Variants in CNTN5 observed in about 807,000 individuals in gnomAD.
CNTN5 encodes contactin 5.
Under a neutral mutation model 129.1 loss-of-function variants are expected in CNTN5, and 77 were observed. The observed-to-expected ratio is 0.60, with a 90% CI of 0.50 to 0.72. The LOEUF (loss-of-function observed/expected upper bound fraction) is 0.72, where lower values mean the gene tolerates loss of function less well. Among genes scored for constraint, CNTN5 ranks in the 30% least tolerant of loss-of-function variants. CNTN5 has a pLI of 0.00. For missense variants in CNTN5, 1,478 were observed against 1,328.8 expected (o/e 1.11, Z -1.75); for synonymous variants, 509 against 465.6 (o/e 1.09, Z -1.20).
At chr11:99,757,439 A>T (rs1944440697) in intron 3 of CNTN5, among the ~76,000 whole-genome samples, 1 of 151,120 alleles carries the variant, frequency 6.6e-6, no homozygotes, top group South Asian at 2.1e-4. Context: ...TAAGTGCCCC[A>T]CTCTAATTAT....
rs11281160 is a variant in CNTN5 at position 99,508,686 on chromosome 11, C to CTTTCTTTTTTTTTTTT, written c.-70-47456_-70-47455insCTTTTTTTTTTTTTTT. Among the ~76,000 whole-genome samples, 1,157 of 146,758 alleles carry CTTTCTTTTTTTTTTTT rather than the reference C, an allele frequency of 7.9e-3. 15 individuals are homozygous for CTTTCTTTTTTTTTTTT. Among genetic ancestry groups the CTTTCTTTTTTTTTTTT allele is most frequent in the African/African-American group, 0.026 (1,042 of 39,756 alleles). ...GCATAATATAATTTTTCTTTTCTTT[C>CTTTCTTTTTTTTTTTT]TTTTTTTTTTGACACGGAATTTTGT... On this transcript the variant is annotated intron_variant, in intron 2 of 24. Transcript: ENST00000524871.
intron 3 of CNTN5, among the ~76,000 whole-genome samples, chr11:99,798,737 G>A (rs1226825844): frequency 6.6e-6 from 1 of 151,924 alleles, no homozygotes; most frequent in South Asian, 2.1e-4. Context: ...TGATTGCTTT[G>A]GCTATTTGAG....
intron 2 of CNTN5, among the ~76,000 whole-genome samples, chr11:99,338,925 T>TATATTCACAG (rs777092451): frequency 3.1e-5 from 3 of 97,582 alleles, no homozygotes; most frequent in African/African-American, 1.1e-4. Flanking sequence ...CACAGATATA[T>TATATTCACAG]ATATATATAT....
chr11:100,159,078 A>G, intron 13 of CNTN5, among the ~76,000 whole-genome samples: 1 of 151,920 alleles, frequency 6.6e-6, no homozygotes, highest in African/African-American at 2.4e-5. Context: ...AGGAGCACAT[A>G]CTGTGCAATT....
intron 7 of CNTN5, among the ~76,000 whole-genome samples, chr11:99,927,133 G>T (rs1239904083): frequency 1.3e-5 from 2 of 152,116 alleles, no homozygotes; most frequent in African/African-American, 4.8e-5. Flanking sequence ...CTATTTTTAA[G>T]TTTTGCCTAG....
At chr11:100,127,155 G>A (rs1022935751) in intron 13 of CNTN5, among the ~76,000 whole-genome samples, 7 of 138,684 alleles carry the variant, frequency 5.0e-5, no homozygotes, top group African/African-American at 1.9e-4. Flanking sequence ...GCCCGAGCTG[G>A]TCTCAAACCT....
At chr11:100,065,287 T>C (rs1362190169) in intron 10 of CNTN5, among the ~76,000 whole-genome samples, 1 of 151,292 alleles carries the variant, frequency 6.6e-6, no homozygotes, top group Non-Finnish European at 1.5e-5. Flanking sequence ...AATAGTCTAC[T>C]TTTTTTTTCA....
chr11:99,535,465 A>G (rs765461411), intron 2 of CNTN5, among the ~76,000 whole-genome samples: 3 of 152,180 alleles, frequency 2.0e-5, no homozygotes, highest in Non-Finnish European at 4.4e-5. Context: ...TATAGAAAAC[A>G]AATGGAACCC....
intron 18 of CNTN5, among the ~76,000 whole-genome samples, chr11:100,278,081 G>A (rs907479696): frequency 6.6e-6 from 1 of 152,050 alleles, no homozygotes; most frequent in African/African-American, 2.4e-5. Context: ...TTTCTTTGAT[G>A]TATGTTCTGA....
chr11:99,663,385 T>C (rs1237971570), intron 3 of CNTN5, among the ~76,000 whole-genome samples: 1 of 152,164 alleles, frequency 6.6e-6, no homozygotes, highest in Non-Finnish European at 1.5e-5. Flanking sequence ...GAAGAATCCC[T>C]TGAACCTGGG....
At chr11:100,320,957 T>C (rs963770129) in intron 21 of CNTN5, among the ~76,000 whole-genome samples, 1 of 152,324 alleles carries the variant, frequency 6.6e-6, no homozygotes, top group East Asian at 1.9e-4. Context: ...TTTGTTACTA[T>C]AGCTTTGCAG....
chr11:100,328,223 G>C (rs578162834), intron 21 of CNTN5, among the ~76,000 whole-genome samples: 2 of 152,078 alleles, frequency 1.3e-5, no homozygotes, highest in East Asian at 1.9e-4. Flanking sequence ...GGGTGTGTTG[G>C]CGCACACCTG....
intron 2 of CNTN5, among the ~76,000 whole-genome samples, chr11:99,463,355 G>A (rs1217662380): frequency 7.0e-6 from 1 of 142,838 alleles, no homozygotes; most frequent in Non-Finnish European, 1.5e-5. Flanking sequence ...GGAGAATGGC[G>A]TGAACCCGGG....
chr11:99,050,810 A>G (rs558109774), intron 1 of CNTN5, among the ~76,000 whole-genome samples: 1 of 152,058 alleles, frequency 6.6e-6, no homozygotes, highest in South Asian at 2.1e-4. Flanking sequence ...TTTCATATAC[A>G]ATAATACTTT....
At chr11:99,260,047 C>G (rs1195701040) in intron 1 of CNTN5, among the ~76,000 whole-genome samples, 1 of 151,414 alleles carries the variant, frequency 6.6e-6, no homozygotes, top group East Asian at 1.9e-4. Flanking sequence ...AAAATATTGT[C>G]CCTATATATT....
chr11:99,372,974 C>G (rs1363751747), intron 2 of CNTN5, among the ~76,000 whole-genome samples: 3 of 152,136 alleles, frequency 2.0e-5, no homozygotes, highest in Non-Finnish European at 4.4e-5. Flanking sequence ...TTTGGGAGGC[C>G]CAGGTGGGTG....
chr11:99,784,219 T>A (rs1404004735), intron 3 of CNTN5, among the ~76,000 whole-genome samples: 1 of 152,088 alleles, frequency 6.6e-6, no homozygotes, highest in Non-Finnish European at 1.5e-5. Context: ...TAGGTATACA[T>A]GTGCCATGGT....
chr11:99,418,450 C>A (rs944675443), intron 2 of CNTN5, among the ~76,000 whole-genome samples: 2 of 152,070 alleles, frequency 1.3e-5, no homozygotes, highest in South Asian at 4.1e-4. Context: ...GTGTTAAAAG[C>A]GCTCAAGTTC....
At chr11:99,544,177 A>G (rs1344307143) in intron 2 of CNTN5, among the ~76,000 whole-genome samples, 1 of 152,072 alleles carries the variant, frequency 6.6e-6, no homozygotes, top group African/African-American at 2.4e-5. Context: ...AGCAGGACCA[A>G]GAGGATCTTG....
Sources: allele counts gnomAD v4.1 joint callset (sites outside exome capture counted in the v4.1 genomes callset), GRCh38; gene constraint gnomAD v4.1.1; transcripts MANE v1.5; gene names NCBI Gene and HGNC (gene_info 2026-07-23, HGNC 2026-07-21).